The following CSRNP1 variants were observed in gnomAD, a reference collection of about 807,000 sequenced individuals.
CSRNP1 encodes cysteine and serine rich nuclear protein 1, also known as cysteine/serine-rich nuclear protein 1.
In CSRNP1, 8 loss-of-function variants were observed where a neutral mutation model predicts 25.0. That is an observed-to-expected ratio of 0.32 (90% CI 0.19 to 0.58). The LOEUF is 0.58. Ranked by LOEUF, CSRNP1 falls within the 20% of genes least tolerant of loss-of-function variation. CSRNP1 has a pLI of 0.88. For synonymous variants in CSRNP1, 305 were observed against 303.1 expected, an observed-to-expected ratio of 1.01 and a Z score of -0.06; for missense variants, 691 against 773.1, an observed-to-expected ratio of 0.89 and a Z score of 1.26.
chr3:39,144,918 C>T (rs977078871), intron 3 of CSRNP1, 79 bp downstream of exon 3: 14 of 1,475,258 alleles, frequency 9.5e-6, no homozygotes, highest in Non-Finnish European at 1.3e-5. Flanking sequence ...TCAGCACCCA[C>T]CCCTGGTACG....
intron 1 of CSRNP1, 150 bp from the exon 2 acceptor site, chr3:39,146,872 G>A: frequency 9.3e-7 from 1 of 1,077,730 alleles, no homozygotes; most frequent in Non-Finnish European, 1.3e-6. Flanking sequence ...CTGTGTGGGG[G>A]AGGGCACAGT....
chr3:39,148,842 A>C (rs1253034965), intron 1 of CSRNP1: 1 of 151,702 alleles, frequency 6.6e-6, no homozygotes, highest in East Asian at 1.9e-4. Flanking sequence ...TGGCCGTGTT[A>C]AGAGCTTCGG....
Position 39,143,608 on chromosome 3 carries a change from T to G in CSRNP1, c.1217A>C (p.Glu406Ala), listed in dbSNP as rs762957828. 60 of 1,613,956 alleles carry G rather than the reference T, an allele frequency of 3.7e-5. No homozygotes were observed. Among genetic ancestry groups the G allele is most frequent in the Non-Finnish European group, 4.9e-5 (58 of 1,179,994 alleles). Residue 406 changes from glutamate (E) to alanine (A), a missense_variant, in exon 5 of 5, where the codon GAG (glutamate) becomes GCG (alanine). By Grantham distance (107) the Glu-to-Ala change is moderately radical (BLOSUM62 -1). Coordinates refer to ENST00000273153, the MANE Select transcript of CSRNP1 (RefSeq NM_033027.4). ...SFSDSDFGGE[E>A]EEEEEGSVGN... ...CACGCTCCCTTCCTCCTCTTCCTCC[T>G]CCTCCCCACCGAAGTCAGAGTCACT...
Position 39,143,696 on chromosome 3 carries a change from G to C in CSRNP1, c.1129C>G (p.Leu377Val). 6.2e-7 allele frequency: 1 copy of C among 1,614,262 alleles called. No homozygotes were observed. Among genetic ancestry groups the C allele is most frequent in the Non-Finnish European group, 8.5e-7 (1 of 1,180,052 alleles). ...CCAGGCTGGAAGCCAGGGCCAGGCAGGCCTGGGTGGGTGGGGCAGTCAGGA... is the reference window on the plus strand; with the variant it reads ...CCAGGCTGGAAGCCAGGGCCAGGCACGCCTGGGTGGGTGGGGCAGTCAGGA... ...EAPDCPTHPG[L>V]PGPGFQPGVD... The change falls in exon 5 of 5, where the codon CTG (leucine) becomes GTG (valine). Residue 377 changes from leucine to valine, a missense_variant. By Grantham distance (32) the Leu-to-Val change is conservative (BLOSUM62 1). Coordinates refer to ENST00000273153, the MANE Select transcript of CSRNP1 (RefSeq NM_033027.4).
rs771367635 is a variant in CSRNP1, at chr3:39,143,433, G to A, written c.1392C>T (p.Cys464=). 5.6e-6 allele frequency: 9 copies of A among 1,614,168 alleles called. No individual in the cohort carries two copies. In the South Asian group the frequency reaches 9.9e-5, roughly 18 times the overall value. The change falls in exon 5 of 5, where the codon TGC becomes TGT. Residue 464 remains cysteine (C), a synonymous_variant. Coordinates refer to ENST00000273153, the MANE Select transcript of CSRNP1 (RefSeq NM_033027.4). ...ACCCTTCAAGGCCACCATTTAGGAA[G>A]CAGCTGGCATCCAGGTTGGCATTCT... ...LDENANLDAS[C]FLNGGLEGSR... is the part of the protein sequence containing the mutation.
Position 39,153,495 on chromosome 3 carries a change from C to G in CSRNP1, c.-98G>C, listed in dbSNP as rs746214865. The G allele has an allele frequency of 3.4e-6, 1 of 294,904 alleles. No individual in the cohort carries two copies. Among genetic ancestry groups the G allele is most frequent in the African/African-American group, 2.3e-5 (1 of 43,480 alleles). The allele number at this position is 294,904 out of a possible 1,614,324, so 18.3% of individuals were successfully genotyped here. ...GCGACCCGCGTCCCGGCCGGGGACG[C>G]CCCCTGCGCCGCGACTCTGTGCGCT... On this transcript the variant is annotated 5_prime_UTR_variant, in exon 1 of 5. Coordinates refer to ENST00000273153, the MANE Select transcript of CSRNP1 (RefSeq NM_033027.4).
chr3:39,144,081 T>G (rs1464765631), intron 4 of CSRNP1, 37 bp from the exon 5 acceptor site: 2 of 1,606,828 alleles, frequency 1.2e-6, no homozygotes, highest in Non-Finnish European at 1.7e-6. Flanking sequence ...GAGGGTTCTG[T>G]GGAGTGCAAA....
chr3:39,144,372 T>A lies in CSRNP1; in HGVS notation c.545A>T (p.Glu182Val), dbSNP rs1331141908. The A allele has an allele frequency of 6.2e-7, 1 of 1,614,034 alleles. No individual in the cohort carries two copies. Reference protein sequence around the residue: ...VDAIDDASVEEDLAVAVAGGR... With the variant: ...VDAIDDASVEVDLAVAVAGGR... ...ACCTGCCACAGCGACTGCCAAGTCC[T>A]CCTCCACAGAGGCGTCATCAATGGC... The change falls in exon 4 of 5, where the codon GAG becomes GTG. Residue 182 changes from glutamate to valine, a missense_variant. By Grantham distance (121) the Glu-to-Val change is moderately radical. Transcript: ENST00000273153.
Position 39,143,037 on chromosome 3 carries a change from GAA to G in CSRNP1, c.*16_*17del. On this transcript the variant is annotated 3_prime_UTR_variant, in exon 5 of 5. Transcript: ENST00000273153. ...GCAGCAACAGGTCTCTTGGGGCTGG[GAA>G]AAGACATCCTGGTCCTCACACCGGC... The G allele has an allele frequency of 6.5e-7, 1 of 1,537,576 alleles. No individual in the cohort carries two copies. The highest frequency in any genetic ancestry group is 8.8e-7 in the Non-Finnish European group (1 of 1,141,848).
chr3:39,146,675 C>T lies in CSRNP1; in HGVS notation c.8G>A (p.Gly3Glu). 5 of 1,561,844 alleles carry T rather than the reference C, an allele frequency of 3.2e-6. No individual in the cohort carries two copies. Among genetic ancestry groups the T allele is most frequent in the South Asian group, 1.2e-5 (1 of 84,538 alleles). ...CTGGTCAAATTTCCTCTTCAACAGC[C>T]CAGTCATGGTGGTGCCGGACGTGCT... Reference protein sequence around the residue: MTGLLKRKFDQLD... With the variant: MTELLKRKFDQLD... The change falls in exon 2 of 5, where the codon GGG (glycine) becomes GAG (glutamate). Residue 3 changes from glycine to glutamate, a missense_variant. Physicochemically the swap from Gly to Glu is moderately conservative, Grantham distance 98. Transcript: ENST00000273153.
Position 39,142,428 on chromosome 3 carries a change from GCAGA to G in CSRNP1, c.*623_*626del, listed in dbSNP as rs1422695468. On this transcript the variant is annotated 3_prime_UTR_variant, in exon 5 of 5. Transcript: ENST00000273153. ...CACAGAGCCATCTAGGAGCCAGGCA[GCAGA>G]CATAGATCACAGAGCTCAAATCCAC... The G allele has an allele frequency of 2.6e-5, 4 of 152,970 alleles. No individual in the cohort carries two copies. Among genetic ancestry groups the G allele is most frequent in the African/African-American group, 9.6e-5 (4 of 41,468 alleles). 9.5% of individuals were successfully genotyped at this position (152,970 alleles called of 1,614,324 possible).
At chr3:39,153,704 C>T (rs1434902304), upstream of CSRNP1, 5 of 151,936 alleles carry the variant, frequency 3.3e-5, no homozygotes, top group Non-Finnish European at 7.4e-5. Flanking sequence ...AGCCCCGCCC[C>T]GGAGGCGCCG....
intron 3 of CSRNP1, 60 bp from the exon 4 acceptor site, chr3:39,144,511 C>G: frequency 1.3e-6 from 2 of 1,501,578 alleles, no homozygotes; most frequent in South Asian, 2.5e-5. Context: ...CTTAGCCCTA[C>G]TGTCACTAGA....
rs2039613151 is a variant in CSRNP1 at position 39,153,488 on chromosome 3, G to C, written c.-91C>G. ...CAACGACGCGACCCGCGTCCCGGCCGGGGACGCCCCCTGCGCCGCGACTCT... is the reference window on the plus strand; with the variant it reads ...CAACGACGCGACCCGCGTCCCGGCCCGGGACGCCCCCTGCGCCGCGACTCT... On this transcript the variant is annotated 5_prime_UTR_variant, in exon 1 of 5. Coordinates refer to ENST00000273153, the MANE Select transcript of CSRNP1 (RefSeq NM_033027.4). 2 of 313,112 alleles carry C rather than the reference G, an allele frequency of 6.4e-6. No individual in the cohort carries two copies. The highest frequency in any genetic ancestry group is 6.7e-6 in the Non-Finnish European group (1 of 148,836). 19.4% of individuals were successfully genotyped at this position (313,112 alleles called of 1,614,324 possible).
chr3:39,152,998 G>C (rs2039605697), intron 1 of CSRNP1: 1 of 151,786 alleles, frequency 6.6e-6, no homozygotes, highest in African/African-American at 2.4e-5. Context: ...CGCAGCTCCC[G>C]CAGCCTCCCC....
At chr3:39,148,510 T>TG (rs2039545722) in intron 1 of CSRNP1, 3 of 152,556 alleles carry the variant, frequency 2.0e-5, no homozygotes, top group Non-Finnish European at 4.4e-5. Flanking sequence ...ACATCCAGCC[T>TG]GAGATCCCCC....
In CSRNP1 at chr3:39,153,524, C is replaced by G; in HGVS notation, c.-127G>C. The G allele has an allele frequency of 4.6e-6, 1 of 216,582 alleles. No individual in the cohort carries two copies. The highest frequency in any genetic ancestry group is 9.9e-6 in the Non-Finnish European group (1 of 101,408). The allele number at this position is 216,582 out of a possible 1,614,324, so 13.4% of individuals were successfully genotyped here. A position where few individuals can be genotyped will look rare whatever the true frequency, so the allele number is the denominator to read the frequency against. On this transcript the variant is annotated 5_prime_UTR_variant, in exon 1 of 5. Transcript: ENST00000273153. ...CTGCGCCGCGACTCTGTGCGCTCGGCCCGGCAGCCGTCGGTCCAGCCGCCC... is the reference window on the plus strand; with the variant it reads ...CTGCGCCGCGACTCTGTGCGCTCGGGCCGGCAGCCGTCGGTCCAGCCGCCC...
chr3:39,147,491 T>C (rs1045142374), intron 1 of CSRNP1, among the ~76,000 whole-genome samples: 3 of 151,932 alleles, frequency 2.0e-5, no homozygotes, highest in Non-Finnish European at 2.9e-5. Flanking sequence ...GACTTTCCCT[T>C]AGAAACCCCC....
At chr3:39,147,211 C>CTG (rs10679310) in intron 1 of CSRNP1, among the ~76,000 whole-genome samples, 25,089 of 148,416 alleles carry the variant, frequency 0.17, 2,174 homozygotes, top group African/African-American at 0.2. Context: ...ATCTGTGTGC[C>CTG]TGTGTGTGTG....
Sources: gnomAD v4.1 joint callset for allele counts (sites outside exome capture counted in the v4.1 genomes callset) on GRCh38, gnomAD v4.1.1 for gene constraint, MANE v1.5 for transcripts, NCBI Gene and HGNC (gene_info 2026-07-23, HGNC 2026-07-21) for gene names.